Variants in GRID2 observed in about 807,000 individuals in gnomAD.
GRID2 encodes the protein glutamate receptor ionotropic, delta-2.
A neutral mutation model predicts 114.8 loss-of-function variants in GRID2; 33 were observed. The ratio of observed to expected loss-of-function variants is 0.29; its 90% CI spans 0.22 to 0.38. The LOEUF (loss-of-function observed/expected upper bound fraction) is 0.38, where lower values mean the gene tolerates loss of function less well. Among genes scored for constraint, GRID2 ranks in the 10% least tolerant of loss-of-function variants. The pLI is 1.00. For synonymous variants in GRID2, 505 were observed against 449.9 expected, an observed-to-expected ratio of 1.12 and a Z score of -1.55; for missense variants, 1,184 against 1,257.7, an observed-to-expected ratio of 0.94 and a Z score of 0.89.
chr4:93,459,111 G>A (rs1187403111), intron 11 of GRID2, among the ~76,000 whole-genome samples: 1 of 149,712 alleles, frequency 6.7e-6, no homozygotes, highest in Admixed American at 6.7e-5. Flanking sequence ...ACCCAGGAGC[G>A]GGAGGTTGCA....
intron 1 of GRID2, among the ~76,000 whole-genome samples, chr4:92,401,270 T>G (rs2110281316): frequency 6.6e-6 from 1 of 152,300 alleles, no homozygotes; most frequent in Non-Finnish European, 1.5e-5. Context: ...GGCAATAGTT[T>G]AAACAATAAA....
chr4:92,502,393 C>T (rs1048956059), intron 1 of GRID2, among the ~76,000 whole-genome samples: 1 of 151,698 alleles, frequency 6.6e-6, no homozygotes, highest in African/African-American at 2.4e-5. Flanking sequence ...TTTCAACTCT[C>T]GGTAATGTTG....
intron 2 of GRID2, among the ~76,000 whole-genome samples, chr4:92,950,811 G>C (rs1751981666): frequency 6.6e-6 from 1 of 152,128 alleles, no homozygotes; most frequent in Non-Finnish European, 1.5e-5. Context: ...TTGCCTTCCA[G>C]GTAAAAGAGA....
chr4:93,227,552 A>G (rs1162528766), intron 7 of GRID2, among the ~76,000 whole-genome samples: 3 of 152,114 alleles, frequency 2.0e-5, no homozygotes, highest in Admixed American at 6.6e-5. Flanking sequence ...CACTCTTTAC[A>G]TAGCCACCCT....
At chr4:93,798,644 A>C (rs1734856670) in intron 1 of GRID2, among the ~76,000 whole-genome samples, 1 of 152,220 alleles carries the variant, frequency 6.6e-6, no homozygotes, top group African/African-American at 2.4e-5. Context: ...TTTTAAATTC[A>C]TATCTAAGAA....
intron 2 of GRID2, among the ~76,000 whole-genome samples, chr4:92,652,742 G>C (rs1371333306): frequency 1.4e-5 from 2 of 142,372 alleles, no homozygotes; most frequent in Non-Finnish European, 3.1e-5. Flanking sequence ...AGGCTGGGGG[G>C]GTTGGGGGGT....
At chr4:92,906,402 C>T (rs2149486077) in intron 2 of GRID2, among the ~76,000 whole-genome samples, 1 of 151,754 alleles carries the variant, frequency 6.6e-6, no homozygotes, top group Non-Finnish European at 1.5e-5. Context: ...AAGAATTTTG[C>T]CACTTCTGAG....
chr4:92,954,163 A>G (rs919053584), intron 2 of GRID2, among the ~76,000 whole-genome samples: 1 of 152,168 alleles, frequency 6.6e-6, no homozygotes, highest in Non-Finnish European at 1.5e-5. Context: ...AGATATATCA[A>G]TATATAAATA....
chr4:93,038,768 G>A (rs1004999141), intron 2 of GRID2, among the ~76,000 whole-genome samples: 1 of 151,902 alleles, frequency 6.6e-6, no homozygotes, highest in African/African-American at 2.4e-5. Flanking sequence ...TCCAGCCTGG[G>A]TGACAGAGTG....
intron 4 of GRID2, among the ~76,000 whole-genome samples, chr4:93,200,521 G>C (rs934958129): frequency 4.6e-5 from 7 of 151,812 alleles, no homozygotes; most frequent in East Asian, 1.9e-4. Flanking sequence ...AGCCGAGATC[G>C]CGCCACTGCA....
At chr4:93,693,340 C>T (rs555523527) in intron 14 of GRID2, among the ~76,000 whole-genome samples, 2 of 152,238 alleles carry the variant, frequency 1.3e-5, no homozygotes, top group South Asian at 4.1e-4. Flanking sequence ...CTTCGCCGTA[C>T]TAGAAACTCT....
At chr4:92,578,224 TATC>T (rs1728001095) in intron 1 of GRID2, among the ~76,000 whole-genome samples, 1 of 149,462 alleles carries the variant, frequency 6.7e-6, no homozygotes, top group Non-Finnish European at 1.5e-5. Flanking sequence ...CCCATTGACT[TATC>T]ATTTAGCATT....
chr4:93,182,924 G>A (rs1216170949), intron 4 of GRID2, among the ~76,000 whole-genome samples: 1 of 152,222 alleles, frequency 6.6e-6, no homozygotes, highest in African/African-American at 2.4e-5. Flanking sequence ...TGAATCAGAA[G>A]TTCTGGGAGT....
chr4:92,922,491 C>G (rs530561532), intron 2 of GRID2, among the ~76,000 whole-genome samples: 1 of 152,152 alleles, frequency 6.6e-6, no homozygotes, highest in South Asian at 2.1e-4. Context: ...TCTCCACCCC[C>G]CCAGAAACTG....
intron 2 of GRID2, among the ~76,000 whole-genome samples, chr4:93,067,708 GA>G (rs1222682592): frequency 6.6e-6 from 1 of 151,790 alleles, no homozygotes; most frequent in African/African-American, 2.4e-5. Flanking sequence ...AAACTTTCAA[GA>G]GCCACCTTAT....
At chr4:93,415,379 T>C (rs1384413606) in intron 9 of GRID2, among the ~76,000 whole-genome samples, 1 of 152,130 alleles carries the variant, frequency 6.6e-6, no homozygotes, top group East Asian at 1.9e-4. Context: ...GTGTCAAATT[T>C]ACTAATATAA....
intron 7 of GRID2, among the ~76,000 whole-genome samples, chr4:93,225,544 A>AT (rs1229342099): frequency 6.6e-6 from 1 of 152,176 alleles, no homozygotes; most frequent in Non-Finnish European, 1.5e-5. Flanking sequence ...GGAAGTTTAT[A>AT]TTCTGTATTT....
intron 4 of GRID2, among the ~76,000 whole-genome samples, chr4:93,186,347 A>G (rs1740422392): frequency 6.6e-6 from 1 of 152,200 alleles, no homozygotes; most frequent in African/African-American, 2.4e-5. Context: ...GAACTAGTTT[A>G]TACTCCCACC....
intron 8 of GRID2, among the ~76,000 whole-genome samples, chr4:93,255,700 T>C (rs1187558184): frequency 6.6e-6 from 1 of 152,126 alleles, no homozygotes. Flanking sequence ...TGGACATGTC[T>C]ACTTCCCCTT....
Sources: gnomAD v4.1 joint callset for allele counts (sites outside exome capture counted in the v4.1 genomes callset) on GRCh38, gnomAD v4.1.1 for gene constraint, MANE v1.5 for transcripts, NCBI Gene and HGNC (gene_info 2026-07-23, HGNC 2026-07-21) for gene names.